SLC11A2: variants seen among roughly 807,000 people sequenced by gnomAD.
The protein encoded by SLC11A2 is natural resistance-associated macrophage protein 2.
A neutral mutation model predicts 68.0 loss-of-function variants in SLC11A2; 38 were observed. That is an observed-to-expected ratio of 0.56 (90% CI 0.43 to 0.73). The LOEUF is 0.73. Ranked by LOEUF, SLC11A2 falls within the 30% of genes least tolerant of loss-of-function variation. SLC11A2 has a pLI of 0.00. For missense variants in SLC11A2, 517 were observed against 690.5 expected (o/e 0.75, Z 2.82); for synonymous variants, 242 against 250.6 (o/e 0.97, Z 0.32).
In SLC11A2 at chr12:51,026,353, G is replaced by A; in HGVS notation, c.-82C>T. 2 of 1,282,230 alleles carry A rather than the reference G, an allele frequency of 1.6e-6. No individual in the cohort carries two copies. The highest frequency in any genetic ancestry group is 5.6e-5 in the East Asian group (1 of 17,882). 79.4% of individuals were successfully genotyped at this position (1,282,230 alleles called of 1,614,324 possible). On this transcript the variant is annotated 5_prime_UTR_variant, in exon 1 of 16. Transcript: ENST00000262052. ...ACCTGACACGCCGCCCCCGCGCCCA[G>A]GGCTCCATATTCCGGGAGCCAGCGC...
intron 4 of SLC11A2, among the ~76,000 whole-genome samples, 200 bp downstream of exon 4, chr12:51,005,111 T>C (rs1245690528): frequency 6.6e-6 from 1 of 152,230 alleles, no homozygotes; most frequent in Non-Finnish European, 1.5e-5. Flanking sequence ...CAGTTTCTCC[T>C]ATATGTAGTT....
At chr12:51,000,585 C>G in intron 5 of SLC11A2, 166 bp from the exon 6 acceptor site, 1 of 650,286 alleles carries the variant, frequency 1.5e-6, no homozygotes, top group Non-Finnish European at 2.8e-6. Context: ...GATCACTGCA[C>G]TGTGGCTCTC....
intron 15 of SLC11A2, among the ~76,000 whole-genome samples, chr12:50,989,653 G>A (rs1043749233): frequency 1.3e-5 from 2 of 152,100 alleles, no homozygotes; most frequent in Non-Finnish European, 1.5e-5. Context: ...CAGTTACTTG[G>A]TTTTCCTTGA....
At chr12:51,026,195 C>G (rs1394471637) in intron 1 of SLC11A2, 115 bp downstream of exon 1, 5 of 1,188,488 alleles carry the variant, frequency 4.2e-6, no homozygotes, top group South Asian at 1.5e-5. Flanking sequence ...CACGGCGAGC[C>G]GGTGTCGCAT....
intron 11 of SLC11A2, 49 bp downstream of exon 11, chr12:50,994,494 GC>G (rs748217959): frequency 2.2e-5 from 26 of 1,186,922 alleles, no homozygotes; most frequent in Middle Eastern, 3.8e-4. Flanking sequence ...CACATACTAT[GC>G]TAAAAATACT....
At chr12:51,023,801 G>T (rs1785643350) in intron 1 of SLC11A2, among the ~76,000 whole-genome samples, 1 of 152,070 alleles carries the variant, frequency 6.6e-6, no homozygotes, top group African/African-American at 2.4e-5. Flanking sequence ...AAGACAACCT[G>T]GGCAACCTAG....
chr12:50,987,685 TGTTA>T lies in SLC11A2; in HGVS notation c.*636_*639del. The T allele has an allele frequency of 1.6e-6, 2 of 1,287,166 alleles. No homozygotes were observed. The highest frequency in any genetic ancestry group is 2.0e-6 in the Non-Finnish European group (2 of 988,640). 79.7% of individuals were successfully genotyped at this position (1,287,166 alleles called of 1,614,324 possible). A position where few individuals can be genotyped will look rare whatever the true frequency, so the allele number is the denominator to read the frequency against. On this transcript the variant is annotated 3_prime_UTR_variant, in exon 16 of 16. Transcript: ENST00000262052. Reference sequence around the variant, plus strand: ...CCACCTAGCGATGTGGTGCTGGTTTTGTTAGTTGTCAGTTTTTCCCCTTCTTTGT... The same window carrying T: ...CCACCTAGCGATGTGGTGCTGGTTTTGTTGTCAGTTTTTCCCCTTCTTTGT...
downstream of SLC11A2, chr12:50,979,923 G>T (rs778952448): frequency 2.2e-6 from 1 of 454,084 alleles, no homozygotes; most frequent in South Asian, 1.6e-5. Flanking sequence ...CACCTTTGGG[G>T]CTAGAAAGAA....
chr12:51,020,316 G>A (rs1943953465), intron 1 of SLC11A2, among the ~76,000 whole-genome samples: 1 of 150,648 alleles, frequency 6.6e-6, no homozygotes, highest in Non-Finnish European at 1.5e-5. Flanking sequence ...TTTTTACACT[G>A]GAGTAAGTTT....
At chr12:50,970,553 T>C in the SLC11A2 span, 1 of 1,169,162 alleles carries the variant, frequency 8.6e-7, no homozygotes, top group East Asian at 2.6e-5. Context: ...CTGAAAACTA[T>C]TTATTATGAA....
intron 9 of SLC11A2, among the ~76,000 whole-genome samples, chr12:50,995,993 C>T (rs192158503): frequency 1.3e-5 from 2 of 152,152 alleles, no homozygotes; most frequent in Non-Finnish European, 2.9e-5. Flanking sequence ...CATGCCCTTT[C>T]GTTGAACTGT....
At chr12:50,967,862 G>GA in the SLC11A2 span, among the ~76,000 whole-genome samples, 149 of 152,248 alleles carry the variant, frequency 9.8e-4, 3 homozygotes, top group East Asian at 0.025. Context: ...CAAGGCAGGA[G>GA]AATCACTTGA....
intron 2 of SLC11A2, among the ~76,000 whole-genome samples, chr12:51,009,864 T>C (rs1592401317): frequency 6.6e-6 from 1 of 152,094 alleles, no homozygotes. Context: ...GTAAAAAAGA[T>C]ACGAAGCAGG....
chr12:51,009,244 T>C (rs1353739282), intron 2 of SLC11A2: 8 of 1,372,864 alleles, frequency 5.8e-6, no homozygotes, highest in Non-Finnish European at 7.5e-6. Context: ...GAACCCTTTG[T>C]ACTCTGACTA....
chr12:51,001,989 A>G (rs1348311812), intron 5 of SLC11A2, among the ~76,000 whole-genome samples: 2 of 152,160 alleles, frequency 1.3e-5, no homozygotes, highest in African/African-American at 4.8e-5. Flanking sequence ...TACAGCTGAA[A>G]ATCAGATTTA....
upstream of SLC11A2, chr12:51,028,307 A>C (rs1944467482): frequency 8.7e-7 from 1 of 1,143,598 alleles, no homozygotes; most frequent in African/African-American, 1.5e-5. Context: ...AGTTAGATAA[A>C]GGGCACTTTT....
downstream of SLC11A2, among the ~76,000 whole-genome samples, chr12:50,982,925 A>G (rs531771999): frequency 6.8e-5 from 10 of 147,682 alleles, no homozygotes; most frequent in African/African-American, 2.5e-4. Context: ...TGGGCAACAC[A>G]GCGAGACTCC....
chr12:50,996,482 C>T (rs1443370118), intron 9 of SLC11A2, among the ~76,000 whole-genome samples: 6 of 150,834 alleles, frequency 4.0e-5, no homozygotes, highest in Non-Finnish European at 8.8e-5. Context: ...GGCTGAGGCA[C>T]GAGAATCACT....
the SLC11A2 span, among the ~76,000 whole-genome samples, chr12:50,952,812 T>C: frequency 1.7e-4 from 26 of 152,118 alleles, no homozygotes; most frequent in Non-Finnish European, 3.5e-4. Flanking sequence ...ATGGCAAGAA[T>C]CCTGGCCTCT....
Sources: allele counts gnomAD v4.1 joint callset (sites outside exome capture counted in the v4.1 genomes callset), GRCh38; gene constraint gnomAD v4.1.1; transcripts MANE v1.5; gene names NCBI Gene and HGNC (gene_info 2026-07-23, HGNC 2026-07-21).